Variants in ABCB9 observed in about 807,000 individuals in gnomAD.
ABCB9 encodes ABC-type oligopeptide transporter ABCB9.
Under a neutral mutation model 62.0 loss-of-function variants are expected in ABCB9, and 36 were observed. That is an observed-to-expected ratio of 0.58 (90% CI 0.45 to 0.77). The LOEUF is 0.77. Ranked by LOEUF, ABCB9 falls within the 30% of genes least tolerant of loss-of-function variation. The pLI, the probability that ABCB9 is intolerant of heterozygous loss-of-function variation, is 0.00. For missense variants in ABCB9, 943 were observed against 1,054.7 expected (o/e 0.89, Z 1.47); for synonymous variants, 435 against 461.4 (o/e 0.94, Z 0.73).
chr12:122,940,339 G>T lies in ABCB9; in HGVS notation c.1570-55C>A. On this transcript the variant is annotated intron_variant, in intron 8 of 11. Transcript: ENST00000280560. This position sits in a 1 kb window ranked among gnomAD's most constrained non-coding sequence, Gnocchi z 4.8. ...GTTATCGGCTCAGGTCCCAGGACTG[G>T]ATGCCCTGACCTTGGACACAGGTGG... 1 of 1,511,536 alleles carries T rather than the reference G, an allele frequency of 6.6e-7. No individual in the cohort carries two copies. The highest frequency in any genetic ancestry group is 8.9e-7 in the Non-Finnish European group (1 of 1,128,154). The allele number at this position is 1,511,536 out of a possible 1,614,324, so 93.6% of individuals were successfully genotyped here. A position where few individuals can be genotyped will look rare whatever the true frequency, so the allele number is the denominator to read the frequency against.
chr12:122,947,625 G>A lies in ABCB9; in HGVS notation c.1053+999C>T, dbSNP rs573673803. The A allele has an allele frequency of 8.8e-5, 25 of 285,008 alleles. 1 individual carries two copies. The highest frequency in any genetic ancestry group is 6.6e-4 in the South Asian group (25 of 37,690). 17.7% of individuals were successfully genotyped at this position (285,008 alleles called of 1,614,324 possible). On this transcript the variant is annotated intron_variant, in intron 5 of 11. Transcript: ENST00000280560. This position sits in a 1 kb window ranked among gnomAD's most constrained non-coding sequence, Gnocchi z 6.0. ...CCAGCCTGTCTGTCCCTTAGGGCTC[G>A]GGGGCACCCGCCCATTCAGGAAGCA...
At position 122,935,397 on chromosome 12, in the gene ABCB9, G is replaced by A. The variant is rs1445554673; in HGVS notation, c.1778C>T (p.Ala593Val). 6.2e-7 allele frequency: 1 copy of A among 1,613,976 alleles called. No individual in the cohort carries two copies. The highest frequency in any genetic ancestry group is 2.2e-5 in the East Asian group (1 of 44,878). Residue 593 changes from alanine to valine, a missense_variant, in exon 10 of 12, where the codon GCC becomes GTC. By Grantham distance (64) the Ala-to-Val change is moderately conservative. Transcript: ENST00000280560. The part of the protein sequence containing the change: ...SLVSQEPVLF[A>V]RSITDNISYG... Reference sequence around the variant, plus strand: ...GGAGATGTTATCCGTGATGGAGCGGGCGAACAGCACGGGCTCCTGGCTCAC... The same window carrying A: ...GGAGATGTTATCCGTGATGGAGCGGACGAACAGCACGGGCTCCTGGCTCAC...
chr12:122,948,850 C>A, intron 4 of ABCB9, 21 bp from the exon 5 acceptor site: 1 of 1,494,662 alleles, frequency 6.7e-7, no homozygotes, highest in Non-Finnish European at 8.9e-7. Context: ...CGCGGCTCAG[C>A]TCTCACCACA....
At chr12:122,971,310 C>G (rs1357555055), upstream of ABCB9, among the ~76,000 whole-genome samples, 1 of 150,194 alleles carries the variant, frequency 6.7e-6, no homozygotes, top group Non-Finnish European at 1.5e-5. Flanking sequence ...TCGCTTGAAC[C>G]CAGGAGGTGG....
At chr12:122,965,140 G>A (rs1167392602) in intron 1 of ABCB9, among the ~76,000 whole-genome samples, 3 of 152,134 alleles carry the variant, frequency 2.0e-5, no homozygotes, top group Admixed American at 6.5e-5. Flanking sequence ...CATCAGCTTC[G>A]TTTTACAGCT....
At chr12:122,968,678 C>T (rs1475743967), upstream of ABCB9, among the ~76,000 whole-genome samples, 1 of 134,250 alleles carries the variant, frequency 7.4e-6, no homozygotes, top group Non-Finnish European at 1.5e-5. Flanking sequence ...CTTGCTCTGA[C>T]ACCCAGGCTC....
At chr12:122,971,479 G>A (rs2037270460), upstream of ABCB9, among the ~76,000 whole-genome samples, 1 of 151,478 alleles carries the variant, frequency 6.6e-6, no homozygotes, top group Non-Finnish European at 1.5e-5. Context: ...TTTTGAGACA[G>A]GGTCTCATTC....
chr12:122,918,721 G>A (rs537253503), downstream of ABCB9, among the ~76,000 whole-genome samples: 122 of 152,216 alleles, frequency 8.0e-4, no homozygotes, highest in African/African-American at 2.6e-3. Context: ...GCCTCCTAAA[G>A]TGCTGGGATT....
At position 122,944,421 on chromosome 12, in the gene ABCB9, G is replaced by A. The variant is rs771996637; in HGVS notation, c.1350C>T (p.Ile450=). Residue 450 remains isoleucine, a synonymous_variant, in exon 7 of 12, where the codon ATC becomes ATT. Transcript: ENST00000280560. The surrounding 1 kb of genome is among the most constrained non-coding windows in gnomAD (Gnocchi z 4.9). The part of the protein sequence containing the change: ...MTSGNLIAFI[I]YEFVLGDCME... The stretch of plus-strand genomic sequence containing the variant: ...TACAATCTCCCAGGACAAACTCGTA[G>A]ATGATGAAGGCGATGAGGTTGCCGC... The A allele has an allele frequency of 6.2e-7, 1 of 1,613,628 alleles. No homozygotes were observed.
At chr12:122,946,266 C>T (rs552164857) in intron 5 of ABCB9, 44 bp from the exon 6 acceptor site, 6 of 1,607,048 alleles carry the variant, frequency 3.7e-6, no homozygotes, top group African/African-American at 2.7e-5. Flanking sequence ...CCCAAAACAG[C>T]CTCACTATGT....
chr12:122,944,331 G>C lies in ABCB9; in HGVS notation c.1380+60C>G. On this transcript the variant is annotated intron_variant, in intron 7 of 11. Coordinates refer to ENST00000280560, the MANE Select transcript of ABCB9 (RefSeq NM_019625.4). The surrounding 1 kb of genome is among the most constrained non-coding windows in gnomAD (Gnocchi z 4.9). ...TGGAGCCCCGCCCCCACCCTGTTAA[G>C]ATCCCTCTTCCCCAAACTCCTCCCT... 7.8e-7 allele frequency: 1 copy of C among 1,287,106 alleles called. No individual in the cohort carries two copies. The highest frequency in any genetic ancestry group is 1.3e-5 in the South Asian group (1 of 74,136). 79.7% of individuals were successfully genotyped at this position (1,287,106 alleles called of 1,614,324 possible). A position where few individuals can be genotyped will look rare whatever the true frequency, so the allele number is the denominator to read the frequency against.
chr12:122,946,912 C>A (rs1251858040), intron 5 of ABCB9, among the ~76,000 whole-genome samples: 2 of 152,242 alleles, frequency 1.3e-5, no homozygotes, highest in Non-Finnish European at 2.9e-5. Context: ...CTCAAGCCAG[C>A]CAGGAAGGCT....
chr12:122,947,512 C>G lies in ABCB9; in HGVS notation c.1053+1112G>C. 2.2e-6 allele frequency: 1 copy of G among 454,058 alleles called. No individual in the cohort carries two copies. The highest frequency in any genetic ancestry group is 4.4e-6 in the Non-Finnish European group (1 of 225,434). The allele number at this position is 454,058 out of a possible 1,614,324, so 28.1% of individuals were successfully genotyped here. A position where few individuals can be genotyped will look rare whatever the true frequency, so the allele number is the denominator to read the frequency against. On this transcript the variant is annotated intron_variant, in intron 5 of 11. Coordinates refer to ENST00000280560, the MANE Select transcript of ABCB9 (RefSeq NM_019625.4). This position sits in a 1 kb window ranked among gnomAD's most constrained non-coding sequence, Gnocchi z 6.0. ...TGGAGGCCGTCATGCATCCAAGCCC[C>G]TGCTCTAGAAGTACCCCACGTGGGC... is the stretch of plus-strand genomic sequence containing the variant.
At position 122,930,211 on chromosome 12, in the gene ABCB9, G is replaced by A. The variant is rs1244183649; in HGVS notation, c.2041-40C>T. 19 of 1,502,034 alleles carry A rather than the reference G, an allele frequency of 1.3e-5. No homozygotes were observed. Among genetic ancestry groups the A allele is most frequent in the South Asian group, 3.8e-5 (3 of 79,092 alleles). 93.0% of individuals were successfully genotyped at this position (1,502,034 alleles called of 1,614,324 possible). A position where few individuals can be genotyped will look rare whatever the true frequency, so the allele number is the denominator to read the frequency against. ...GGGGCCTGGCTTGCATGGCACGGAC[G>A]CCCCACCCGCAACCGTGCTTCATGC... On this transcript the variant is annotated intron_variant, in intron 11 of 11. Transcript: ENST00000280560. The surrounding 1 kb of genome is among the most constrained non-coding windows in gnomAD (Gnocchi z 4.9).
At position 122,964,601 on chromosome 12, in the gene ABCB9, G is replaced by A. The variant is rs2037075876; in HGVS notation, c.-88+1686C>T. Among the ~76,000 whole-genome samples, 1 of 152,240 alleles carries A rather than the reference G, an allele frequency of 6.6e-6. No homozygotes were observed. The highest frequency in any genetic ancestry group is 2.1e-4 in the South Asian group (1 of 4,836). On this transcript the variant is annotated intron_variant, in intron 1 of 11. Transcript: ENST00000280560. This position sits in a 1 kb window ranked among gnomAD's most constrained non-coding sequence, Gnocchi z 4.7. ...TTATTTTTAAAGCTACTGGGCAGAA[G>A]CGTGACCACCAGCCAAGGCTGCTTA... is the stretch of plus-strand genomic sequence containing the variant.
At chr12:122,919,269 C>T (rs1056717109), downstream of ABCB9, among the ~76,000 whole-genome samples, 4 of 152,094 alleles carry the variant, frequency 2.6e-5, no homozygotes, top group South Asian at 2.1e-4. Flanking sequence ...CCTCCTTGAG[C>T]TCAAAGGATC....
intron 4 of ABCB9, 62 bp from the exon 5 acceptor site, chr12:122,948,891 G>A: frequency 7.8e-7 from 1 of 1,283,948 alleles, no homozygotes; most frequent in South Asian, 1.6e-5. Flanking sequence ...GGCGGTGGGG[G>A]ATGCTAAGGG....
Position 122,932,182 on chromosome 12 carries a change from T to G in ABCB9, c.2040+10A>C. The G allele has an allele frequency of 6.4e-7, 1 of 1,552,042 alleles. No homozygotes were observed. Among genetic ancestry groups the G allele is most frequent in the Non-Finnish European group, 8.7e-7 (1 of 1,147,600 alleles). ...CCTGCCCCCGCATTGCCCACCACCCTGTGACTCACCAGATACTCGCTCTCG... is the reference window on the plus strand; with the variant it reads ...CCTGCCCCCGCATTGCCCACCACCCGGTGACTCACCAGATACTCGCTCTCG... On this transcript the variant is annotated intron_variant, in intron 11 of 11. Transcript: ENST00000280560. This position sits in a 1 kb window ranked among gnomAD's most constrained non-coding sequence, Gnocchi z 4.7.
downstream of ABCB9, among the ~76,000 whole-genome samples, chr12:122,918,776 G>A (rs751913006): frequency 1.3e-5 from 2 of 151,994 alleles, no homozygotes; most frequent in Non-Finnish European, 2.9e-5. Context: ...ATTTTAAAGT[G>A]TACAAATGCA....
Sources: allele counts gnomAD v4.1 joint callset (sites outside exome capture counted in the v4.1 genomes callset), GRCh38; gene constraint gnomAD v4.1.1; non-coding constraint Gnocchi (gnomAD v3.1); transcripts MANE v1.5; gene names NCBI Gene and HGNC (gene_info 2026-07-23, HGNC 2026-07-21).